Variants in SLC14A2 observed in about 807,000 individuals in gnomAD.
SLC14A2 encodes the protein solute carrier family 14 member 2, also known as urea transporter 2.
In SLC14A2, 91 loss-of-function variants were observed where a neutral mutation model predicts 104.6. The ratio of observed to expected loss-of-function variants is 0.87; its 90% confidence interval spans 0.73 to 1.04. The LOEUF is 1.04. Ranked by LOEUF, SLC14A2 falls within the 50% of genes least tolerant of loss-of-function variation. The pLI is 0.00. For missense variants in SLC14A2, 1,189 were observed against 1,156.0 expected (o/e 1.03, Z -0.41); for synonymous variants, 476 against 466.4 (o/e 1.02, Z -0.27).
At position 45,334,540 on chromosome 18, in the gene SLC14A2, T is replaced by A. The variant is rs944023811; in HGVS notation, c.-125+121349T>A. ...CACTTTTGTCACAATAACGTATAAA[T>A]GTATTTACTTCTGTGGGTCCATCTT... On this transcript the variant is annotated intron_variant, in intron 1 of 20. Coordinates refer to the SLC14A2 transcript ENST00000586448. 4.6e-5 allele frequency among the ~76,000 whole-genome samples: 7 copies of A among 152,208 alleles called. No homozygotes were observed. The East Asian group carries it at 1.3e-3, about 29-fold the overall frequency.
intron 1 of SLC14A2, among the ~76,000 whole-genome samples, chr18:45,315,274 A>G (rs796986200): frequency 1.5e-4 from 23 of 152,266 alleles, no homozygotes; most frequent in Admixed American, 5.2e-4. Flanking sequence ...GGCAGGGTGC[A>G]TCAGATCTGA....
chr18:45,610,632 C>T (rs570246352), upstream of SLC14A2, among the ~76,000 whole-genome samples: 1 of 152,292 alleles, frequency 6.6e-6, no homozygotes, highest in South Asian at 2.1e-4. Context: ...CCCCTGTCTC[C>T]TGGTAGGTTT....
Position 45,629,528 on chromosome 18 carries a change from G to GTAAAT in SLC14A2, c.521+2382_521+2383insAAATT, listed in dbSNP as rs2045312388. Among the ~76,000 whole-genome samples, 4 of 152,056 alleles carry GTAAAT rather than the reference G, an allele frequency of 2.6e-5. No homozygotes were observed. In the South Asian group the frequency reaches 8.3e-4, roughly 32 times the overall value. Reference sequence around the variant, plus strand: ...CTGAAATTTACCTGGGGTGAACTCTGTCCAGCCCACTGCCTTCTTAGCTGT... The same window carrying GTAAAT: ...CTGAAATTTACCTGGGGTGAACTCTGTAAATTCCAGCCCACTGCCTTCTTAGCTGT... On this transcript the variant is annotated intron_variant, in intron 4 of 19. Coordinates refer to ENST00000255226, the MANE Select transcript of SLC14A2 (RefSeq NM_007163.4).
chr18:45,276,396 G>T (rs752013679), intron 1 of SLC14A2, among the ~76,000 whole-genome samples: 1 of 152,168 alleles, frequency 6.6e-6, no homozygotes, highest in Non-Finnish European at 1.5e-5. Flanking sequence ...ATCTAAGGAA[G>T]TCAAGAAAGA....
chr18:45,331,677 C>A (rs1423067572), intron 1 of SLC14A2, among the ~76,000 whole-genome samples: 1 of 147,958 alleles, frequency 6.8e-6, no homozygotes, highest in African/African-American at 2.5e-5. Context: ...GGTGACAGAG[C>A]GAGACTCCGT....
At position 45,641,249 on chromosome 18, in the gene SLC14A2, C is replaced by T; in HGVS notation, c.1032C>T (p.Gly344=). The T allele has an allele frequency of 6.2e-7, 1 of 1,614,160 alleles. No individual in the cohort carries two copies. Among genetic ancestry groups the T allele is most frequent in the Non-Finnish European group, 8.5e-7 (1 of 1,179,998 alleles). Residue 344 remains glycine, a synonymous_variant, in exon 8 of 20, where the codon GGC becomes GGT. Transcript: ENST00000255226. ...CACCCTTCGAGACCATCTACACAGG[C>T]CTCTGGAGCTACAACTGCGTCCTCT... The part of the protein sequence containing the change: ...VATPFETIYT[G]LWSYNCVLSC...
At chr18:45,676,167 C>T (rs1468497799) in intron 18 of SLC14A2, among the ~76,000 whole-genome samples, 1 of 152,142 alleles carries the variant, frequency 6.6e-6, no homozygotes, top group Non-Finnish European at 1.5e-5. Flanking sequence ...TGGGCCTCAT[C>T]CCATTAAAAA....
intron 1 of SLC14A2, among the ~76,000 whole-genome samples, chr18:45,216,910 C>A (rs1199378406): frequency 1.3e-5 from 2 of 152,146 alleles, no homozygotes; most frequent in South Asian, 2.1e-4. Context: ...AAAGCACTCT[C>A]CTCTTCCTAT....
At chr18:45,518,599 C>T (rs1220136295) in intron 2 of SLC14A2, among the ~76,000 whole-genome samples, 2 of 152,148 alleles carry the variant, frequency 1.3e-5, no homozygotes, top group East Asian at 3.9e-4. Flanking sequence ...GTTAACTTGC[C>T]TGGGGTCGCT....
Position 45,600,913 on chromosome 18 carries a change from C to A in SLC14A2, c.-34-23718C>A, listed in dbSNP as rs549609381. Among the ~76,000 whole-genome samples the A allele has an allele frequency of 1.7e-4, 26 of 152,302 alleles. No individual in the cohort carries two copies. The East Asian group carries it at 5.0e-3, about 29-fold the overall frequency. ...ATGCAAATTGCACTTGTTGCAGGTC[C>A]ATGAAGCCAACCCTGAGTCAATTTT... is the stretch of plus-strand genomic sequence containing the variant. On this transcript the variant is annotated intron_variant, in intron 2 of 20. Transcript: ENST00000586448.
At chr18:45,218,909 A>AAT (rs2084036447) in intron 1 of SLC14A2, among the ~76,000 whole-genome samples, 1 of 151,874 alleles carries the variant, frequency 6.6e-6, no homozygotes, top group African/African-American at 2.4e-5. Context: ...AAAAAAAAAA[A>AAT]GCTTCATTGA....
At chr18:45,277,597 C>T (rs1368067204) in intron 1 of SLC14A2, among the ~76,000 whole-genome samples, 1 of 152,048 alleles carries the variant, frequency 6.6e-6, no homozygotes, top group African/African-American at 2.4e-5. Flanking sequence ...TTTGTAGAGA[C>T]AGGGTCTTGC....
chr18:45,629,734 A>G (rs2045316141), intron 4 of SLC14A2, among the ~76,000 whole-genome samples: 1 of 152,164 alleles, frequency 6.6e-6, no homozygotes, highest in Non-Finnish European at 1.5e-5. Flanking sequence ...CACAGACTGC[A>G]GTTTTACAAG....
intron 2 of SLC14A2, among the ~76,000 whole-genome samples, chr18:45,590,584 C>G (rs2144385948): frequency 6.6e-6 from 1 of 152,272 alleles, no homozygotes; most frequent in South Asian, 2.1e-4. Flanking sequence ...CCAAGCGGGG[C>G]TCTCCTTTCC....
intron 1 of SLC14A2, among the ~76,000 whole-genome samples, chr18:45,420,795 C>T (rs1598785262): frequency 6.7e-6 from 1 of 150,078 alleles, no homozygotes; most frequent in African/African-American, 2.5e-5. Flanking sequence ...GGCTGGAGTG[C>T]AGTTGTGTGA....
upstream of SLC14A2, among the ~76,000 whole-genome samples, chr18:45,212,446 G>T (rs1251384796): frequency 6.6e-6 from 1 of 152,054 alleles, no homozygotes; most frequent in Non-Finnish European, 1.5e-5. Flanking sequence ...GTGAAAATGG[G>T]GCAATAGTAG....
intron 1 of SLC14A2, among the ~76,000 whole-genome samples, chr18:45,281,159 G>T (rs1032225104): frequency 6.6e-6 from 1 of 152,172 alleles, no homozygotes; most frequent in East Asian, 1.9e-4. Flanking sequence ...GGTTTATTTT[G>T]CCTATCACGT....
At chr18:45,572,388 A>G (rs2044360330) in intron 2 of SLC14A2, among the ~76,000 whole-genome samples, 1 of 152,196 alleles carries the variant, frequency 6.6e-6, no homozygotes, top group Admixed American at 6.5e-5. Context: ...TGGAGTTTCC[A>G]GGTTCTTTTG....
intron 2 of SLC14A2, among the ~76,000 whole-genome samples, chr18:45,602,311 T>C (rs2044802655): frequency 6.6e-6 from 1 of 152,226 alleles, no homozygotes; most frequent in African/African-American, 2.4e-5. Flanking sequence ...GATTTGTCAC[T>C]CATTCCTTAT....
Sources: gnomAD v4.1 joint callset for allele counts (sites outside exome capture counted in the v4.1 genomes callset) on GRCh38, gnomAD v4.1.1 for gene constraint, MANE v1.5 for transcripts, NCBI Gene and HGNC (gene_info 2026-07-23, HGNC 2026-07-21) for gene names.